The following APBB1 variants were observed in gnomAD, a reference collection of about 807,000 sequenced individuals.
The protein encoded by APBB1 is amyloid beta precursor protein binding family B member 1, also known as adaptor protein FE65a2.
Under a neutral mutation model 78.4 loss-of-function variants are expected in APBB1, and 22 were observed. The observed-to-expected ratio is 0.28, with a 90% CI of 0.20 to 0.40. The LOEUF (loss-of-function observed/expected upper bound fraction) is 0.40. Ranked by LOEUF, APBB1 falls within the 10% of genes least tolerant of loss-of-function variation. APBB1 has a pLI of 1.00. For synonymous variants in APBB1, 369 were observed against 372.7 expected (o/e 0.99, Z 0.12); for missense variants, 749 against 932.4 (o/e 0.80, Z 2.56).
At chr11:6,412,627 A>G (rs756221018) in intron 1 of APBB1, among the ~76,000 whole-genome samples, 4 of 152,156 alleles carry the variant, frequency 2.6e-5, no homozygotes, top group African/African-American at 9.7e-5. Context: ...TTGTCTCCTC[A>G]TGACTATAAT....
intron 7 of APBB1, 24 bp downstream of exon 7, chr11:6,402,552 C>T (rs753335487): frequency 1.9e-6 from 3 of 1,611,364 alleles, no homozygotes; most frequent in Non-Finnish European, 1.7e-6. Flanking sequence ...AGTACCACCC[C>T]CTACCCCCGG....
chr11:6,396,675 T>G (rs1848243189), intron 12 of APBB1: 1 of 175,756 alleles, frequency 5.7e-6, no homozygotes, highest in African/African-American at 2.4e-5. Flanking sequence ...TTGTGCTAAG[T>G]CATTACAGTG....
At chr11:6,416,958 G>A (rs773876474) in intron 1 of APBB1, among the ~76,000 whole-genome samples, 1 of 152,172 alleles carries the variant, frequency 6.6e-6, no homozygotes, top group Non-Finnish European at 1.5e-5. Context: ...TGGCCAGGCC[G>A]GTCCTGAACT....
intron 2 of APBB1, chr11:6,404,974 G>A: frequency 2.8e-6 from 4 of 1,435,160 alleles, no homozygotes; most frequent in Non-Finnish European, 3.6e-6. Context: ...TGCTAGGGAG[G>A]GGCCAGGACC....
Position 6,411,111 on chromosome 11 carries a change from C to CA in APBB1, c.236_237insT (p.Ala80GlyfsTer7). ...TCTGGTCACGGTGGGCCGTGGCGGCCCGCCGGAGCTGGTTCTGGCCCTCTT... is the reference window on the plus strand; with the variant it reads ...TCTGGTCACGGTGGGCCGTGGCGGCCACGCCGGAGCTGGTTCTGGCCCTCTT... On this transcript the variant is annotated frameshift_variant, in exon 2 of 15. Coordinates refer to ENST00000609360, the MANE Select transcript of APBB1 (RefSeq NM_001164.5). LOFTEE classifies it high-confidence loss of function. The surrounding 1 kb of genome is among the most constrained non-coding windows in gnomAD (Gnocchi z 5.2). The CA allele has an allele frequency of 6.2e-7, 1 of 1,612,472 alleles. No homozygotes were observed. The highest frequency in any genetic ancestry group is 8.5e-7 in the Non-Finnish European group (1 of 1,179,998).
In APBB1 at chr11:6,402,460, G is replaced by T. The variant is rs562145134; in HGVS notation, c.1254+116C>A. ...TCCATCCCACAGGGCTGCCACTTAGGATGGGCCAATATCCCCCTTCCCCAG... is the reference window on the plus strand; with the variant it reads ...TCCATCCCACAGGGCTGCCACTTAGTATGGGCCAATATCCCCCTTCCCCAG... On this transcript the variant is annotated intron_variant, in intron 7 of 14. Transcript: ENST00000609360. The T allele has an allele frequency of 5.5e-6, 7 of 1,264,492 alleles. No individual in the cohort carries two copies. The East Asian group carries it at 1.4e-4, about 26-fold the overall frequency. 78.3% of individuals were successfully genotyped at this position (1,264,492 alleles called of 1,614,324 possible). A position where few individuals can be genotyped will look rare whatever the true frequency, so the allele number is the denominator to read the frequency against.
intron 12 of APBB1, chr11:6,396,663 C>T (rs1359812569): frequency 4.2e-5 from 8 of 190,188 alleles, no homozygotes; most frequent in Non-Finnish European, 8.5e-5. Context: ...CTCTGTATCA[C>T]ATTGTGCTAA....
chr11:6,406,617 G>A (rs1361972228), intron 2 of APBB1, among the ~76,000 whole-genome samples: 1 of 152,014 alleles, frequency 6.6e-6, no homozygotes, highest in African/African-American at 2.4e-5. Context: ...ATGAACCCCT[G>A]TCTGCCTCTC....
rs113170986 is a variant in APBB1, at chr11:6,412,795, C to T, written c.-14-1434G>A. On this transcript the variant is annotated intron_variant, in intron 1 of 14. Coordinates refer to ENST00000609360, the MANE Select transcript of APBB1 (RefSeq NM_001164.5). The stretch of plus-strand genomic sequence containing the variant: ...TCCTCCAGGCTTCGCTTTGGCATCT[C>T]CTCTGCCAGTGTCAGAAAACACTTT... Among the ~76,000 whole-genome samples, 35 of 152,276 alleles carry T rather than the reference C, an allele frequency of 2.3e-4. 1 individual carries two copies. Among genetic ancestry groups the T allele is most frequent in the African/African-American group, 7.2e-4 (30 of 41,552 alleles).
upstream of APBB1, chr11:6,419,393 C>G (rs1849206230): frequency 5.7e-6 from 1 of 176,962 alleles, no homozygotes; most frequent in South Asian, 2.0e-4. Flanking sequence ...CCGGGAGACG[C>G]GCGGACGGGG....
rs140731057 is a variant in APBB1, at chr11:6,401,010, C to T, written c.1651G>A (p.Val551Ile). ...ATACCAACAGGTTTAGCAACAGGTA[C>T]ATTCCCCAGGTAATAGACTTGGAAC... ...QKFQVYYLGNVPVAKPVGVDV... is the reference protein window; with the variant it reads ...QKFQVYYLGNIPVAKPVGVDV... Residue 551 changes from valine (V) to isoleucine (I), a missense_variant, in exon 12 of 15, where the codon GTA becomes ATA. Val to Ile is a conservative substitution (Grantham distance 29). Coordinates refer to ENST00000609360, the MANE Select transcript of APBB1 (RefSeq NM_001164.5). This position sits in a 1 kb window ranked among gnomAD's most constrained non-coding sequence, Gnocchi z 4.5. The T allele has an allele frequency of 1.2e-3, 1,995 of 1,614,178 alleles. 1 individual carries two copies. Among genetic ancestry groups the T allele is most frequent in the Non-Finnish European group, 1.6e-3 (1,838 of 1,180,024 alleles).
At position 6,410,701 on chromosome 11, in the gene APBB1, G is replaced by A. The variant is rs1278851484; in HGVS notation, c.647C>T (p.Ala216Val). The change falls in exon 2 of 15, where the codon GCA (alanine) becomes GTA (valine). Residue 216 changes from alanine to valine, a missense_variant. By Grantham distance (64) the Ala-to-Val change is moderately conservative. Coordinates refer to ENST00000609360, the MANE Select transcript of APBB1 (RefSeq NM_001164.5). The stretch of plus-strand genomic sequence containing the variant: ...CCAGCTTGAGTCCTCATCACTGGCT[G>A]CACTGTTCCGCATGCCAAACAGGAG... ...ASLLFGMRNS[A>V]ASDEDSSWAT... 1.5e-5 allele frequency: 23 copies of A among 1,542,778 alleles called. No homozygotes were observed. Among genetic ancestry groups the A allele is most frequent in the Non-Finnish European group, 1.8e-5 (21 of 1,145,144 alleles).
At chr11:6,416,835 G>C (rs894777807) in intron 1 of APBB1, among the ~76,000 whole-genome samples, 1 of 151,598 alleles carries the variant, frequency 6.6e-6, no homozygotes, top group Non-Finnish European at 1.5e-5. Context: ...TCTGCCTCCC[G>C]GGTTCAAGCG....
intron 1 of APBB1, among the ~76,000 whole-genome samples, chr11:6,412,387 G>A (rs1324753117): frequency 2.0e-5 from 3 of 151,964 alleles, no homozygotes; most frequent in Admixed American, 6.5e-5. Flanking sequence ...TCCTGACCTC[G>A]TGATCCGCCC....
At chr11:6,405,012 T>A (rs1334315979) in intron 2 of APBB1, 1 of 1,422,150 alleles carries the variant, frequency 7.0e-7, no homozygotes, top group Non-Finnish European at 9.2e-7. Context: ...CCTTGGGGGG[T>A]GGGGAAGGGA....
chr11:6,401,837 G>C lies in APBB1; in HGVS notation c.1388+140C>G, dbSNP rs779262596. 78 of 1,422,418 alleles carry C rather than the reference G, an allele frequency of 5.5e-5. No homozygotes were observed. The highest frequency in any genetic ancestry group is 1.9e-4 in the Admixed American group (10 of 52,592). 88.1% of individuals were successfully genotyped at this position (1,422,418 alleles called of 1,614,324 possible). A position where few individuals can be genotyped will look rare whatever the true frequency, so the allele number is the denominator to read the frequency against. ...CCATAGGTGCTGCCTTCTTGGGGGG[G>C]AGGGGTAGACAGGCAAGCATGCTGA... On this transcript the variant is annotated intron_variant, in intron 9 of 14. Coordinates refer to ENST00000609360, the MANE Select transcript of APBB1 (RefSeq NM_001164.5). This position sits in a 1 kb window ranked among gnomAD's most constrained non-coding sequence, Gnocchi z 4.5.
Position 6,401,293 on chromosome 11 carries a change from C to T in APBB1, c.1588+52G>A. 1.2e-6 allele frequency: 2 copies of T among 1,613,958 alleles called. No homozygotes were observed. Among genetic ancestry groups the T allele is most frequent in the Non-Finnish European group, 1.7e-6 (2 of 1,179,952 alleles). On this transcript the variant is annotated intron_variant, in intron 11 of 14. Coordinates refer to ENST00000609360, the MANE Select transcript of APBB1 (RefSeq NM_001164.5). The surrounding 1 kb of genome is among the most constrained non-coding windows in gnomAD (Gnocchi z 4.5). Reference sequence around the variant, plus strand: ...GGAGCTCATGCCTTTCCTTGGGTCACCCACCTTTGCCAACAAAGCTGAGCT... The same window carrying T: ...GGAGCTCATGCCTTTCCTTGGGTCATCCACCTTTGCCAACAAAGCTGAGCT...
At chr11:6,399,645 C>G (rs763472314) in intron 12 of APBB1, among the ~76,000 whole-genome samples, 1 of 152,212 alleles carries the variant, frequency 6.6e-6, no homozygotes, top group South Asian at 2.1e-4. Flanking sequence ...ACTTAACAGT[C>G]CCCTCCATGA....
intron 1 of APBB1, among the ~76,000 whole-genome samples, chr11:6,418,621 C>T (rs1012958491): frequency 6.6e-6 from 1 of 152,194 alleles, no homozygotes; most frequent in African/African-American, 2.4e-5. Context: ...GGGCCTGGGA[C>T]CCCTGCTGGA....
Sources: allele counts gnomAD v4.1 joint callset (sites outside exome capture counted in the v4.1 genomes callset), GRCh38; gene constraint gnomAD v4.1.1; non-coding constraint Gnocchi (gnomAD v3.1); transcripts MANE v1.5; gene names NCBI Gene and HGNC (gene_info 2026-07-23, HGNC 2026-07-21).